SIRT4: variants seen among roughly 807,000 people sequenced by gnomAD.
SIRT4 encodes NAD-dependent protein lipoamidase sirtuin-4, mitochondrial.
Under a neutral mutation model 26.1 loss-of-function variants are expected in SIRT4, and 23 were observed. That is an observed-to-expected ratio of 0.88 (90% CI 0.63 to 1.25). SIRT4 has a LOEUF of 1.25. SIRT4 is among the 50% of genes most tolerant of loss of function. The pLI is 0.00. For missense variants in SIRT4, 361 were observed against 405.4 expected (o/e 0.89, Z 0.94); for synonymous variants, 155 against 158.4 (o/e 0.98, Z 0.16).
chr12:120,292,774 G>C, the SIRT4 span, among the ~76,000 whole-genome samples: 5 of 149,328 alleles, frequency 3.3e-5, no homozygotes, highest in Admixed American at 3.4e-4. Context: ...GATCACGCCA[G>C]TGCACTCCAG....
chr12:120,304,803 T>TTATA (rs1254801981), intron 2 of SIRT4, among the ~76,000 whole-genome samples: 167 of 60,312 alleles, frequency 2.8e-3, no homozygotes, highest in South Asian at 4.6e-3. Context: ...AAAGTAAATT[T>TTATA]TATATATATA....
At chr12:120,295,361 T>C in the SIRT4 span, among the ~76,000 whole-genome samples, 1 of 148,614 alleles carries the variant, frequency 6.7e-6, no homozygotes, top group East Asian at 2.0e-4. Context: ...ATGACAGGTA[T>C]GCGCCACCAT....
At chr12:120,293,043 G>A in the SIRT4 span, 101,853 of 151,688 alleles carry the variant, frequency 0.67, 34,710 homozygotes, top group East Asian at 0.9. Flanking sequence ...CCAAAACCAA[G>A]CACCCCCACA....
Position 120,309,978 on chromosome 12 carries a change from A to G in SIRT4, c.498-2478A>G, listed in dbSNP as rs540778487. Among the ~76,000 whole-genome samples, 4 of 151,960 alleles carry G rather than the reference A, an allele frequency of 2.6e-5. No individual in the cohort carries two copies. The East Asian group carries it at 5.8e-4, about 22-fold the overall frequency. ...CTGATCCACCCATCTTGGCCTCCCA[A>G]ATTGCTGGGATTACAGGTGTGAGTC... is the stretch of plus-strand genomic sequence containing the variant. On this transcript the variant is annotated intron_variant, in intron 2 of 3. Transcript: ENST00000202967.
chr12:120,302,978 C>T (rs1872601496), intron 1 of SIRT4, among the ~76,000 whole-genome samples: 1 of 151,600 alleles, frequency 6.6e-6, no homozygotes, highest in African/African-American at 2.4e-5. Context: ...CTGCGTCGGC[C>T]TCCCAAAGTG....
chr12:120,303,711 C>T lies in SIRT4; in HGVS notation c.150C>T (p.Phe50=), dbSNP rs372046001. The T allele has an allele frequency of 2.5e-6, 4 of 1,614,162 alleles. No homozygotes were observed. Among genetic ancestry groups the T allele is most frequent in the Non-Finnish European group, 3.4e-6 (4 of 1,180,028 alleles). Residue 50 remains phenylalanine (F), a synonymous_variant, in exon 2 of 4, where the codon TTC becomes TTT. Coordinates refer to ENST00000202967, the MANE Select transcript of SIRT4 (RefSeq NM_012240.3). ...DPEKVKELQR[F]ITLSKRLLVM... ...AGAAGGTCAAAGAGTTACAGCGCTT[C>T]ATCACCCTTTCCAAGAGACTCCTTG... is the stretch of plus-strand genomic sequence containing the variant.
At chr12:120,292,844 A>C in the SIRT4 span, among the ~76,000 whole-genome samples, 1,142 of 152,262 alleles carry the variant, frequency 7.5e-3, 6 homozygotes, top group Admixed American at 0.015. Flanking sequence ...CAGGACAGCC[A>C]ACTGGCAAGA....
At chr12:120,297,856 G>T (rs1872388520), upstream of SIRT4, among the ~76,000 whole-genome samples, 1 of 152,136 alleles carries the variant, frequency 6.6e-6, no homozygotes, top group Non-Finnish European at 1.5e-5. Flanking sequence ...AATGTGTGCA[G>T]AAAATGTGCT....
At chr12:120,309,418 T>C (rs571737141) in intron 2 of SIRT4, among the ~76,000 whole-genome samples, 37 of 149,812 alleles carry the variant, frequency 2.5e-4, no homozygotes, top group South Asian at 1.5e-3. Flanking sequence ...CTTTTCTTTT[T>C]TTTTTTTTTT....
chr12:120,306,011 CAAAA>C (rs1297577997), intron 2 of SIRT4, among the ~76,000 whole-genome samples: 1 of 73,802 alleles, frequency 1.4e-5, no homozygotes, highest in Non-Finnish European at 2.8e-5. Context: ...GACTCCGTCT[CAAAA>C]AAAAAAAAAA....
the SIRT4 span, among the ~76,000 whole-genome samples, chr12:120,294,340 G>A: frequency 6.6e-6 from 1 of 151,042 alleles, no homozygotes; most frequent in African/African-American, 2.4e-5. Flanking sequence ...TTTTGCTTTT[G>A]TTGCCCAGGC....
At chr12:120,300,236 G>A (rs1462068866), upstream of SIRT4, among the ~76,000 whole-genome samples, 1 of 151,698 alleles carries the variant, frequency 6.6e-6, no homozygotes, top group Non-Finnish European at 1.5e-5. Flanking sequence ...AAACTGCAGT[G>A]AGCTGTGATG....
At chr12:120,303,305 C>A (rs534492257) in intron 1 of SIRT4, among the ~76,000 whole-genome samples, 1 of 151,552 alleles carries the variant, frequency 6.6e-6, no homozygotes, top group African/African-American at 2.4e-5. Context: ...CATGGTGAAA[C>A]CCTGCCTCTA....
intron 1 of SIRT4, among the ~76,000 whole-genome samples, chr12:120,302,896 T>C (rs1345895269): frequency 6.6e-6 from 1 of 151,508 alleles, no homozygotes; most frequent in Non-Finnish European, 1.5e-5. Flanking sequence ...ATTTTTTTTG[T>C]ATTTTTAGTA....
At chr12:120,310,935 C>T (rs1441283458) in intron 2 of SIRT4, among the ~76,000 whole-genome samples, 3 of 148,736 alleles carry the variant, frequency 2.0e-5, no homozygotes, top group Non-Finnish European at 4.5e-5. Context: ...TGGGGTTTCA[C>T]CGTGTTAGCC....
At position 120,312,886 on chromosome 12, in the gene SIRT4, A is replaced by G. The variant is rs1056795960; in HGVS notation, c.795A>G (p.Val265=). The G allele has an allele frequency of 6.2e-7, 1 of 1,614,168 alleles. No individual in the cohort carries two copies. The highest frequency in any genetic ancestry group is 1.3e-5 in the African/African-American group (1 of 75,036). The change falls in exon 4 of 4, where the codon GTA becomes GTG. Residue 265 remains valine (V), a splice_region_variant and synonymous_variant. Transcript: ENST00000202967. ...ATGTGTGTCTTTTCTCCGTGCAGGT[A>G]TACTCTGGTTACAGGTTTATCCTCA... The part of the protein sequence containing the change: ...SLLVVGSSLQ[V]YSGYRFILTA...
In SIRT4 at chr12:120,304,387, C is replaced by T. The variant is rs372865491; in HGVS notation, c.497+329C>T. Among the ~76,000 whole-genome samples, 392 of 152,238 alleles carry T rather than the reference C, an allele frequency of 2.6e-3. 2 individuals carry two copies. The highest frequency in any genetic ancestry group is 3.4e-3 in the Non-Finnish European group (228 of 68,026). On this transcript the variant is annotated intron_variant, in intron 2 of 3. Transcript: ENST00000202967. Reference sequence around the variant, plus strand: ...GACTGGGGCCGGGCGCAGTGGCTCACGCCTGTAATCCCAGCATTTTGGGAG... The same window carrying T: ...GACTGGGGCCGGGCGCAGTGGCTCATGCCTGTAATCCCAGCATTTTGGGAG...
chr12:120,310,919 T>G (rs1456010062), intron 2 of SIRT4, among the ~76,000 whole-genome samples: 1 of 150,254 alleles, frequency 6.7e-6, no homozygotes, highest in Non-Finnish European at 1.5e-5. Context: ...GTATTTTTAG[T>G]AGAGATGGGG....
intron 1 of SIRT4, among the ~76,000 whole-genome samples, chr12:120,303,013 G>T (rs749613630): frequency 1.4e-4 from 21 of 151,678 alleles, no homozygotes; most frequent in Non-Finnish European, 2.8e-4. Flanking sequence ...GTGAGCCACC[G>T]CACCCGGCCC....
Sources: gnomAD v4.1 joint callset for allele counts (sites outside exome capture counted in the v4.1 genomes callset) on GRCh38, gnomAD v4.1.1 for gene constraint, MANE v1.5 for transcripts, NCBI Gene and HGNC (gene_info 2026-07-23, HGNC 2026-07-21) for gene names.